The following DLG2 variants were observed in gnomAD, a reference collection of about 807,000 sequenced individuals.
DLG2 encodes discs large MAGUK scaffold protein 2.
DLG2 carries 45 observed loss-of-function variants against 132.5 expected under a neutral mutation model. The ratio of observed to expected loss-of-function variants is 0.34; its 90% confidence interval spans 0.27 to 0.44. The LOEUF (loss-of-function observed/expected upper bound fraction) is 0.44, where lower values mean the gene tolerates loss of function less well. Among genes scored for constraint, DLG2 ranks in the 20% least tolerant of loss-of-function variants. The pLI is 1.00. For synonymous variants in DLG2, 424 were observed against 419.6 expected (o/e 1.01, Z -0.13); for missense variants, 1,045 against 1,196.9 (o/e 0.87, Z 1.87).
chr11:85,505,114 T>C (rs990518409), intron 3 of DLG2, among the ~76,000 whole-genome samples: 2 of 152,148 alleles, frequency 1.3e-5, no homozygotes, highest in Admixed American at 6.5e-5. Context: ...GTTAAGGAGA[T>C]TTTGGGCTGA....
intron 6 of DLG2, among the ~76,000 whole-genome samples, chr11:84,778,100 G>A (rs553787924): frequency 1.3e-5 from 2 of 151,984 alleles, no homozygotes; most frequent in African/African-American, 4.8e-5. Context: ...TTATGTTTAC[G>A]TCTTTAATCC....
intron 10 of DLG2, among the ~76,000 whole-genome samples, chr11:84,073,308 C>A (rs1330399697): frequency 6.6e-6 from 1 of 151,368 alleles, no homozygotes; most frequent in African/African-American, 2.4e-5. Context: ...ATCACCCTAA[C>A]AAACAAGCTA....
chr11:85,143,024 G>T (rs1331949827), intron 5 of DLG2, among the ~76,000 whole-genome samples: 1 of 151,512 alleles, frequency 6.6e-6, no homozygotes, highest in East Asian at 1.9e-4. Flanking sequence ...CTTTTTTGAT[G>T]TGTCTTTCTC....
chr11:84,027,140 T>A (rs1458331678), intron 11 of DLG2, among the ~76,000 whole-genome samples: 1 of 152,052 alleles, frequency 6.6e-6, no homozygotes, highest in Non-Finnish European at 1.5e-5. Context: ...TACTCAAAAT[T>A]AACTATTGAC....
chr11:84,293,026 CAGTG>C (rs897766078), intron 7 of DLG2, among the ~76,000 whole-genome samples: 7 of 152,034 alleles, frequency 4.6e-5, no homozygotes, highest in African/African-American at 1.4e-4. Flanking sequence ...TAAAGTTGGT[CAGTG>C]AGTAAGTTAT....
intron 24 of DLG2, 64 bp from the exon 25 acceptor site, chr11:83,469,437 A>G (rs1298382761): frequency 4.0e-6 from 5 of 1,239,778 alleles, no homozygotes; most frequent in African/African-American, 1.5e-5. Flanking sequence ...CTTTACACCT[A>G]TATTCTCCAC....
At chr11:84,113,819 A>G (rs1431822898) in intron 9 of DLG2, among the ~76,000 whole-genome samples, 2 of 152,200 alleles carry the variant, frequency 1.3e-5, no homozygotes, top group South Asian at 2.1e-4. Flanking sequence ...TAAAAGTTCA[A>G]TGATAGAGTC....
intron 15 of DLG2, among the ~76,000 whole-genome samples, chr11:83,920,417 C>T (rs1168022746): frequency 6.6e-6 from 1 of 152,126 alleles, no homozygotes. Context: ...ATATTTAGAT[C>T]TCTATATAAA....
At chr11:84,005,411 G>A (rs1000283440) in intron 11 of DLG2, among the ~76,000 whole-genome samples, 1 of 151,700 alleles carries the variant, frequency 6.6e-6, no homozygotes, top group Admixed American at 6.6e-5. Context: ...GAAAACAAAG[G>A]GAAAACACTT....
At chr11:83,628,781 G>C (rs1366554215) in intron 19 of DLG2, among the ~76,000 whole-genome samples, 1 of 152,080 alleles carries the variant, frequency 6.6e-6, no homozygotes, top group East Asian at 1.9e-4. Context: ...TGTGTACCGT[G>C]TTATCTGCCT....
intron 7 of DLG2, among the ~76,000 whole-genome samples, chr11:84,420,650 CTTTTTTTTTTTTTTTTTTTTT>C (rs768420271): frequency 9.5e-5 from 4 of 42,236 alleles, no homozygotes; most frequent in South Asian, 1.1e-3. Context: ...TGCTTGTTTT[CTTTTTTTTTTTTTTTTTTTTT>C]TTTTTTTTTT....
At chr11:85,441,601 A>G (rs1047183910) in intron 3 of DLG2, among the ~76,000 whole-genome samples, 10 of 152,230 alleles carry the variant, frequency 6.6e-5, no homozygotes, top group African/African-American at 2.4e-4. Context: ...TGAATATACA[A>G]CGGTGAGCAA....
At chr11:84,398,364 T>A (rs2098818001) in intron 7 of DLG2, among the ~76,000 whole-genome samples, 1 of 152,076 alleles carries the variant, frequency 6.6e-6, no homozygotes, top group South Asian at 2.1e-4. Context: ...ACGATATTAG[T>A]AGTACTATAA....
intron 8 of DLG2, among the ~76,000 whole-genome samples, chr11:84,225,055 A>G (rs972824662): frequency 6.6e-6 from 1 of 152,136 alleles, no homozygotes; most frequent in Non-Finnish European, 1.5e-5. Context: ...CACAGTTACC[A>G]TACTAAGTTT....
chr11:84,406,959 G>T (rs2098854905), intron 7 of DLG2, among the ~76,000 whole-genome samples: 1 of 152,174 alleles, frequency 6.6e-6, no homozygotes, highest in African/African-American at 2.4e-5. Flanking sequence ...ACAGATAGGA[G>T]AAATCATTGC....
At position 83,633,022 on chromosome 11, in the gene DLG2, C is replaced by G; in HGVS notation, c.1940+189G>C. 1.1e-5 allele frequency: 6 copies of G among 556,784 alleles called. No homozygotes were observed. The South Asian group carries it at 1.6e-4, about 15-fold the overall frequency. The allele number at this position is 556,784 out of a possible 1,614,324, so 34.5% of individuals were successfully genotyped here. On this transcript the variant is annotated intron_variant, in intron 19 of 27. Coordinates refer to ENST00000376104, the MANE Select transcript of DLG2 (RefSeq NM_001142699.3). ...AAGAATAACTTGATAAAAGCAGGCA[C>G]CTTTAACTAATTTAATCTAATAACA...
rs1291437545 is a variant in DLG2, at chr11:85,222,890, C to T, written c.186+62330G>A. 2.6e-5 allele frequency among the ~76,000 whole-genome samples: 4 copies of T among 152,080 alleles called. No homozygotes were observed. The East Asian group carries it at 7.7e-4, about 29-fold the overall frequency. On this transcript the variant is annotated intron_variant, in intron 4 of 27. Coordinates refer to ENST00000376104, the MANE Select transcript of DLG2 (RefSeq NM_001142699.3). Reference sequence around the variant, plus strand: ...CAAGTTAGCTTGGCAGTGACATAAGCAGACACTACCTTTATCACTTCCCTT... The same window carrying T: ...CAAGTTAGCTTGGCAGTGACATAAGTAGACACTACCTTTATCACTTCCCTT...
chr11:85,503,622 C>T (rs2093855868), intron 3 of DLG2, among the ~76,000 whole-genome samples: 1 of 152,016 alleles, frequency 6.6e-6, no homozygotes, highest in Non-Finnish European at 1.5e-5. Context: ...GGGAGTGGAA[C>T]TGGTGGCTTT....
intron 9 of DLG2, among the ~76,000 whole-genome samples, chr11:84,125,793 T>C (rs552628870): frequency 6.6e-6 from 1 of 152,360 alleles, no homozygotes; most frequent in African/African-American, 2.4e-5. Flanking sequence ...GAAGATTTGT[T>C]GACATTTAAA....
Sources: gnomAD v4.1 joint callset for allele counts (sites outside exome capture counted in the v4.1 genomes callset) on GRCh38, gnomAD v4.1.1 for gene constraint, MANE v1.5 for transcripts, NCBI Gene and HGNC (gene_info 2026-07-23, HGNC 2026-07-21) for gene names.